OTOF: variants seen among roughly 807,000 people sequenced by gnomAD.
OTOF encodes otoferlin.
In OTOF, 218 loss-of-function variants were observed where a neutral mutation model predicts 236.8. That is an observed-to-expected ratio of 0.92 (90% CI 0.82 to 1.03). The LOEUF is 1.03. Ranked by LOEUF, OTOF falls within the 50% of genes least tolerant of loss-of-function variation. The probability of loss-of-function intolerance (pLI) is 0.00; values close to 1 mark genes in which losing one functional copy is unlikely to be tolerated. For synonymous variants in OTOF, 1,041 were observed against 1,072.5 expected, an observed-to-expected ratio of 0.97 and a Z score of 0.57; for missense variants, 2,590 against 2,694.4, an observed-to-expected ratio of 0.96 and a Z score of 0.86.
intron 2 of OTOF, among the ~76,000 whole-genome samples, chr2:26,529,548 C>T (rs1558517673): frequency 1.3e-5 from 2 of 151,706 alleles, no homozygotes; most frequent in East Asian, 3.9e-4. Context: ...GCTGAGCAGG[C>T]CCTCGGGAGG....
intron 15 of OTOF, 36 bp downstream of exon 15, chr2:26,480,750 A>C: frequency 6.4e-7 from 1 of 1,555,826 alleles, no homozygotes; most frequent in Non-Finnish European, 8.8e-7. Context: ...GCTGAGCTGG[A>C]GGCCCTGGGG....
In OTOF at chr2:26,495,010, C is replaced by T. The variant is rs185869481; in HGVS notation, c.829G>A (p.Val277Met). Residue 277 changes from valine (V) to methionine (M), a missense_variant, in exon 9 of 47, where the codon GTG becomes ATG. By Grantham distance (21) the Val-to-Met change is conservative. Transcript: ENST00000272371. Reference sequence around the variant, plus strand: ...TACTTCTTGTCGTCACCCACCTCCACGCACACCACAGGGTCCATGTTCAAG... The same window carrying T: ...TACTTCTTGTCGTCACCCACCTCCATGCACACCACAGGGTCCATGTTCAAG... ...VGLNMDPVVCVEVGDDKKYTS... is the reference protein window; with the variant it reads ...VGLNMDPVVCMEVGDDKKYTS... 6.8e-6 allele frequency: 11 copies of T among 1,614,162 alleles called. No homozygotes were observed. The highest frequency in any genetic ancestry group is 4.5e-5 in the East Asian group (2 of 44,878).
intron 18 of OTOF, chr2:26,478,142 A>G (rs1572432598): frequency 1.2e-6 from 1 of 817,986 alleles, no homozygotes; most frequent in Non-Finnish European, 1.7e-6. Flanking sequence ...GTGGCAGGGG[A>G]TGGGAACAGA....
intron 3 of OTOF, among the ~76,000 whole-genome samples, chr2:26,520,026 G>A (rs1666638802): frequency 1.3e-5 from 2 of 152,232 alleles, no homozygotes; most frequent in African/African-American, 2.4e-5. Context: ...ATGAACAACA[G>A]TGGGTGCCCA....
intron 8 of OTOF, among the ~76,000 whole-genome samples, chr2:26,498,632 C>T (rs910865024): frequency 6.6e-6 from 1 of 152,136 alleles, no homozygotes; most frequent in Non-Finnish European, 1.5e-5. Context: ...CATCTCCTTT[C>T]AAGATAAGGG....
chr2:26,539,088 C>T (rs1261963857), intron 1 of OTOF, among the ~76,000 whole-genome samples: 2 of 152,122 alleles, frequency 1.3e-5, no homozygotes, highest in Non-Finnish European at 2.9e-5. Flanking sequence ...GCTGGGATTA[C>T]AGGCATGAGT....
chr2:26,543,034 A>G (rs1333473786), intron 1 of OTOF, among the ~76,000 whole-genome samples: 3 of 152,192 alleles, frequency 2.0e-5, no homozygotes, highest in Admixed American at 6.5e-5. Context: ...TGTTGTATGC[A>G]CTGCCTGGGC....
intron 1 of OTOF, among the ~76,000 whole-genome samples, chr2:26,546,147 T>C (rs1046270788): frequency 3.3e-5 from 5 of 151,876 alleles, no homozygotes; most frequent in Non-Finnish European, 7.4e-5. Flanking sequence ...GAAAAGAAAA[T>C]GTTAGGAAAA....
rs529511457 is a variant in OTOF, at chr2:26,524,849, C to T, written c.227+2983G>A. Among the ~76,000 whole-genome samples, 12 of 152,354 alleles carry T rather than the reference C, an allele frequency of 7.9e-5. No homozygotes were observed. The South Asian group carries it at 2.3e-3, about 29-fold the overall frequency. On this transcript the variant is annotated intron_variant, in intron 3 of 46. Coordinates refer to ENST00000272371, the MANE Select transcript of OTOF (RefSeq NM_194248.3). ...GGTTCCCCTCTGAGACTTGGTTTCC[C>T]CTCCTGCACAGCTAGGGCTGTAGTG...
rs1324460627 is a variant in OTOF, at chr2:26,465,789, A to G, written c.4682T>C (p.Val1561Ala). The G allele has an allele frequency of 1.2e-6, 2 of 1,614,122 alleles. No homozygotes were observed. The highest frequency in any genetic ancestry group is 1.3e-5 in the African/African-American group (1 of 74,926). The change falls in exon 38 of 47, where the codon GTG (valine) becomes GCG (alanine). Residue 1561 changes from valine (V) to alanine (A), a missense_variant. Val to Ala is a moderately conservative substitution (Grantham distance 64, BLOSUM62 0). This residue lies in a region of OTOF where 1,211 missense variants were observed against 1,352.8 expected (regional missense o/e 0.90). Coordinates refer to ENST00000272371, the MANE Select transcript of OTOF (RefSeq NM_194248.3). The stretch of plus-strand genomic sequence containing the variant: ...AGTGCCCACCAGGTCCCAGTCATAC[A>G]CAGCCACCGTCAGCATGGATTCCAT... The part of the protein sequence containing the change: ...FPMESMLTVA[V>A]YDWDLVGTDD...
At chr2:26,463,375 C>A in intron 41 of OTOF, 108 bp downstream of exon 41, 1 of 917,556 alleles carries the variant, frequency 1.1e-6, no homozygotes, top group South Asian at 1.4e-5. Context: ...GGGATGCCAA[C>A]TGGCCAAGGC....
At chr2:26,537,088 G>C (rs1667089660) in intron 2 of OTOF, among the ~76,000 whole-genome samples, 1 of 152,208 alleles carries the variant, frequency 6.6e-6, no homozygotes, top group Non-Finnish European at 1.5e-5. Context: ...AGCCCAGCTG[G>C]AGTGAGGATT....
chr2:26,554,568 G>A (rs922975726), intron 1 of OTOF, among the ~76,000 whole-genome samples: 9 of 152,146 alleles, frequency 5.9e-5, no homozygotes, highest in African/African-American at 9.7e-5. Context: ...TGTGTGCAAA[G>A]TACTACTCCT....
chr2:26,513,847 G>A (rs1666452830), intron 5 of OTOF, among the ~76,000 whole-genome samples: 1 of 152,174 alleles, frequency 6.6e-6, no homozygotes, highest in Non-Finnish European at 1.5e-5. Flanking sequence ...GGTTGGCCAA[G>A]TCCCTTCTGG....
At chr2:26,535,253 T>C (rs1219862629) in intron 2 of OTOF, among the ~76,000 whole-genome samples, 1 of 152,178 alleles carries the variant, frequency 6.6e-6, no homozygotes, top group African/African-American at 2.4e-5. Context: ...AATCTATGCA[T>C]GAATTCAGAA....
At position 26,529,117 on chromosome 2, in the gene OTOF, A is replaced by T. The variant is rs113690124; in HGVS notation, c.139-1197T>A. 8.0e-3 allele frequency among the ~76,000 whole-genome samples: 1,217 copies of T among 152,244 alleles called. 15 individuals carry two copies. Among genetic ancestry groups the T allele is most frequent in the African/African-American group, 0.027 (1,111 of 41,532 alleles). On this transcript the variant is annotated intron_variant, in intron 2 of 46. Coordinates refer to ENST00000272371, the MANE Select transcript of OTOF (RefSeq NM_194248.3). ...AGCAGGGGTCCCTGTCCCACTCCAC[A>T]TCCTGAGCCACAAGCATGAGGGAAG...
At chr2:26,491,261 T>C (rs1380835839) in intron 9 of OTOF, among the ~76,000 whole-genome samples, 1 of 151,948 alleles carries the variant, frequency 6.6e-6, no homozygotes, top group East Asian at 1.9e-4. Context: ...CTTGGTGACC[T>C]TGAGGAGAGC....
In OTOF at chr2:26,463,972, T is replaced by G. The variant is rs1664604621; in HGVS notation, c.5095A>C (p.Ile1699Leu). 2 of 1,613,710 alleles carry G rather than the reference T, an allele frequency of 1.2e-6. No homozygotes were observed. Among genetic ancestry groups the G allele is most frequent in the Non-Finnish European group, 1.7e-6 (2 of 1,180,022 alleles). Residue 1699 changes from isoleucine to leucine, a missense_variant, in exon 40 of 47, where the codon ATC becomes CTC. Ile to Leu is a conservative substitution (Grantham distance 5, BLOSUM62 2). Coordinates refer to ENST00000272371, the MANE Select transcript of OTOF (RefSeq NM_194248.3). ...GGCCATGCAAGTGTCACCTGCTCGATGCCCGGCTTGTCGGGGTTGAGCAGC... is the reference window on the plus strand; with the variant it reads ...GGCCATGCAAGTGTCACCTGCTCGAGGCCCGGCTTGTCGGGGTTGAGCAGC... ...RPLLNPDKPG[I>L]EQGRLELWVD...
chr2:26,517,025 C>T (rs535296038), intron 4 of OTOF, among the ~76,000 whole-genome samples: 3 of 152,320 alleles, frequency 2.0e-5, no homozygotes, highest in South Asian at 4.1e-4. Flanking sequence ...CGCCAGAAAT[C>T]GGCTTGTTGG....
Sources: gnomAD v4.1 joint callset for allele counts (sites outside exome capture counted in the v4.1 genomes callset) on GRCh38, gnomAD v4.1.1 for gene constraint, gnomAD v4.1.1 regional missense constraint, MANE v1.5 for transcripts, NCBI Gene and HGNC (gene_info 2026-07-23, HGNC 2026-07-21) for gene names.